ZFYVE21: variants seen among roughly 807,000 people sequenced by gnomAD.
The protein encoded by ZFYVE21 is zinc finger FYVE domain-containing protein 21.
In ZFYVE21, 21 loss-of-function variants were observed where a neutral mutation model predicts 29.5. The observed-to-expected ratio is 0.71, with a 90% CI of 0.50 to 1.02. The LOEUF is 1.02. Among genes scored for constraint, ZFYVE21 ranks in the 50% least tolerant of loss-of-function variants. The pLI, the probability that ZFYVE21 is intolerant of heterozygous loss-of-function variation, is 0.00. For missense variants in ZFYVE21, 326 were observed against 335.4 expected, an observed-to-expected ratio of 0.97 and a Z score of 0.22; for synonymous variants, 151 against 133.8, an observed-to-expected ratio of 1.13 and a Z score of -0.89.
In ZFYVE21 at chr14:103,733,188, T is replaced by A; in HGVS notation, c.*170T>A. The A allele has an allele frequency of 1.3e-6, 1 of 785,722 alleles. No individual in the cohort carries two copies. Among genetic ancestry groups the A allele is most frequent in the Non-Finnish European group, 2.0e-6 (1 of 492,034 alleles). The allele number at this position is 785,722 out of a possible 1,614,324, so 48.7% of individuals were successfully genotyped here. A position where few individuals can be genotyped will look rare whatever the true frequency, so the allele number is the denominator to read the frequency against. ...GTGTTCACTTATCTAGTGCAATATG[T>A]TCACAGTTTATTAATGCTTTAAACA... On this transcript the variant is annotated 3_prime_UTR_variant, in exon 7 of 7. Transcript: ENST00000311141.
intron 1 of ZFYVE21, among the ~76,000 whole-genome samples, chr14:103,718,640 C>T (rs528780307): frequency 1.6e-3 from 251 of 152,272 alleles, no homozygotes; most frequent in Admixed American, 3.3e-3. Context: ...ATCAAATATC[C>T]GACACTGACG....
chr14:103,732,855 C>A, intron 6 of ZFYVE21, 93 bp downstream of exon 6: 1 of 1,599,288 alleles, frequency 6.3e-7, no homozygotes, highest in South Asian at 1.1e-5. Flanking sequence ...CATTTGCCCC[C>A]TATCCCCACA....
rs1939298039 is a variant in ZFYVE21 at position 103,715,920 on chromosome 14, C to T, written c.79C>T (p.His27Tyr). The T allele has an allele frequency of 7.0e-7, 1 of 1,435,126 alleles. No individual in the cohort carries two copies. The highest frequency in any genetic ancestry group is 9.2e-7 in the Non-Finnish European group (1 of 1,085,990). The allele number at this position is 1,435,126 out of a possible 1,614,324, so 88.9% of individuals were successfully genotyped here. A position where few individuals can be genotyped will look rare whatever the true frequency, so the allele number is the denominator to read the frequency against. ...GAGCGGCCTGCGCATGGTGCCCGAA[C>T]ACCGCGCCTTCGGAAGCCCGTTCGG... The part of the protein sequence containing the change: ...SPSGLRMVPE[H>Y]RAFGSPFGLE... Residue 27 changes from histidine to tyrosine, a missense_variant, in exon 1 of 7, where the codon CAC becomes TAC. Physicochemically the swap from His to Tyr is moderately conservative, Grantham distance 83. Transcript: ENST00000311141.
At chr14:103,727,582 G>A in intron 2 of ZFYVE21, 164 bp from the exon 3 acceptor site, 1 of 858,140 alleles carries the variant, frequency 1.2e-6, no homozygotes, top group Non-Finnish European at 1.9e-6. Flanking sequence ...CCGCTGCGTG[G>A]TGGGGAGCCC....
At chr14:103,722,546 A>G (rs539525746) in intron 1 of ZFYVE21, among the ~76,000 whole-genome samples, 3 of 152,104 alleles carry the variant, frequency 2.0e-5, no homozygotes, top group South Asian at 2.1e-4. Context: ...CAGGCCGGGC[A>G]CGGTGGCTCA....
chr14:103,719,441 C>T (rs1368620518), intron 1 of ZFYVE21, among the ~76,000 whole-genome samples: 3 of 131,326 alleles, frequency 2.3e-5, no homozygotes, highest in Admixed American at 1.6e-4. Flanking sequence ...GGTGACAGAG[C>T]AAGACTCTGT....
chr14:103,729,643 C>G (rs769372690), intron 5 of ZFYVE21: 95 of 1,025,426 alleles, frequency 9.3e-5, no homozygotes, highest in Non-Finnish European at 1.2e-4. Context: ...GGCCTCTCCA[C>G]TAAACTCTGC....
Position 103,729,160 on chromosome 14 carries a change from C to A in ZFYVE21, c.504C>A (p.Leu168=). The A allele has an allele frequency of 6.2e-7, 1 of 1,614,078 alleles. No homozygotes were observed. The highest frequency in any genetic ancestry group is 8.5e-7 in the Non-Finnish European group (1 of 1,180,004). The change falls in exon 5 of 7, where the codon CTC becomes CTA. Residue 168 remains leucine (L), a synonymous_variant. Coordinates refer to ENST00000311141, the MANE Select transcript of ZFYVE21 (RefSeq NM_024071.4). ...EIVHISTVQI[L]TEGFPPGGGN... ...TACACATTTCCACCGTGCAGATCCT[C>A]ACAGAAGGCTTCCCTCCTGGAGGTA...
intron 1 of ZFYVE21, 124 bp from the exon 2 acceptor site, chr14:103,726,668 C>T: frequency 8.1e-7 from 1 of 1,234,118 alleles, no homozygotes; most frequent in Non-Finnish European, 1.2e-6. Context: ...ACCCTGCCTG[C>T]CTCAGGCTGC....
At chr14:103,727,341 G>C (rs948639201) in intron 2 of ZFYVE21, 27 of 377,792 alleles carry the variant, frequency 7.1e-5, no homozygotes, top group Non-Finnish European at 1.1e-4. Context: ...TGCAGCTTGC[G>C]AGGCCTGTGC....
intron 4 of ZFYVE21, 41 bp downstream of exon 4, chr14:103,729,024 C>G: frequency 1.2e-6 from 2 of 1,613,732 alleles, no homozygotes; most frequent in South Asian, 2.2e-5. Context: ...AGCATTGTCA[C>G]AGACCGGGAG....
At chr14:103,726,700 A>G (rs2083927804) in intron 1 of ZFYVE21, 92 bp from the exon 2 acceptor site, 76 of 1,510,946 alleles carry the variant, frequency 5.0e-5, no homozygotes, top group Non-Finnish European at 6.8e-5. Flanking sequence ...GGGAGGTGGC[A>G]GGGCCCAGCT....
In ZFYVE21 at chr14:103,727,870, A is replaced by G; in HGVS notation, c.314A>G (p.Lys105Arg). 1 of 1,613,096 alleles carries G rather than the reference A, an allele frequency of 6.2e-7. No homozygotes were observed. ...QCAECALVSLKEAEFYDKQLK... is the reference protein window; with the variant it reads ...QCAECALVSLREAEFYDKQLK... ...GCGGAGTGCGCCCTCGTGTCCCTCA[A>G]GGAGGCGGAGTTCTACGACAAGCAG... The change falls in exon 3 of 7, where the codon AAG becomes AGG. Residue 105 changes from lysine (K) to arginine (R), a missense_variant. Coordinates refer to ENST00000311141, the MANE Select transcript of ZFYVE21 (RefSeq NM_024071.4).
At chr14:103,730,535 G>A (rs112639580) in intron 5 of ZFYVE21, 2,803 of 152,776 alleles carry the variant, frequency 0.018, 90 homozygotes, top group African/African-American at 0.064. Flanking sequence ...ACAGCCTCCC[G>A]GACTGCTCTC....
intron 5 of ZFYVE21, chr14:103,732,342 C>CTTGT: frequency 3.0e-6 from 1 of 333,282 alleles, no homozygotes. Context: ...GAGAGCAAGG[C>CTTGT]CTCTCGTGGT....
intron 1 of ZFYVE21, chr14:103,724,943 C>T (rs1394338685): frequency 1.3e-5 from 2 of 152,288 alleles, no homozygotes; most frequent in Non-Finnish European, 2.9e-5. Flanking sequence ...GCTGAAGGGC[C>T]TGCTGGGGAG....
rs1018088131 is a variant in ZFYVE21 at position 103,716,060 on chromosome 14, G to A, written c.138+81G>A. ...GCCCCGCGGGCTTCCAGGCTCCCGC[G>A]ACGACCCCTCCGCCTCCGGGCGGCC... On this transcript the variant is annotated intron_variant, in intron 1 of 6. Coordinates refer to ENST00000311141, the MANE Select transcript of ZFYVE21 (RefSeq NM_024071.4). The surrounding 1 kb of genome is among the most constrained non-coding windows in gnomAD (Gnocchi z 4.8). 27 of 1,148,454 alleles carry A rather than the reference G, an allele frequency of 2.4e-5. 1 individual carries two copies. The highest frequency in any genetic ancestry group is 2.9e-5 in the Non-Finnish European group (27 of 931,554). 71.1% of individuals were successfully genotyped at this position (1,148,454 alleles called of 1,614,324 possible). A position where few individuals can be genotyped will look rare whatever the true frequency, so the allele number is the denominator to read the frequency against.
At chr14:103,721,316 T>G (rs961871015) in intron 1 of ZFYVE21, among the ~76,000 whole-genome samples, 6 of 152,184 alleles carry the variant, frequency 3.9e-5, no homozygotes, top group Non-Finnish European at 5.9e-5. Context: ...GAGAAGTGTG[T>G]TCCGAAATTT....
intron 1 of ZFYVE21, among the ~76,000 whole-genome samples, chr14:103,720,281 G>A (rs567701079): frequency 6.6e-6 from 1 of 152,322 alleles, no homozygotes; most frequent in African/African-American, 2.4e-5. Flanking sequence ...TTTGACGTGG[G>A]TTCCTTTTCT....
Sources: gnomAD v4.1 joint callset for allele counts (sites outside exome capture counted in the v4.1 genomes callset) on GRCh38, gnomAD v4.1.1 for gene constraint, Gnocchi (gnomAD v3.1) non-coding constraint, MANE v1.5 for transcripts, NCBI Gene and HGNC (gene_info 2026-07-23, HGNC 2026-07-21) for gene names.